The following PHF2 variants were observed in gnomAD, a reference collection of about 807,000 sequenced individuals.
PHF2 encodes the protein lysine-specific demethylase PHF2.
PHF2 carries 27 observed loss-of-function variants against 120.5 expected under a neutral mutation model. That is an observed-to-expected ratio of 0.22 (90% CI 0.17 to 0.31). PHF2 has a LOEUF of 0.31. PHF2 is among the 10% of genes least tolerant of loss of function. PHF2 has a pLI of 1.00. For missense variants in PHF2, 1,024 were observed against 1,434.8 expected (o/e 0.71, Z 4.63); for synonymous variants, 568 against 592.5 (o/e 0.96, Z 0.60).
At chr9:93,596,307 T>C (rs1044591166) in intron 1 of PHF2, among the ~76,000 whole-genome samples, 54 of 152,252 alleles carry the variant, frequency 3.5e-4, no homozygotes, top group Middle Eastern at 3.4e-3. Context: ...TGAAGCTTCA[T>C]TGGGGCCCCT....
intron 2 of PHF2, among the ~76,000 whole-genome samples, chr9:93,633,746 A>G (rs1476802826): frequency 1.3e-5 from 2 of 152,194 alleles, no homozygotes; most frequent in Non-Finnish European, 2.9e-5. Flanking sequence ...CCCTGGCCTC[A>G]GTGAGCGTCC....
At chr9:93,675,844 G>C in intron 20 of PHF2, 55 bp downstream of exon 20, 1 of 1,359,846 alleles carries the variant, frequency 7.4e-7, no homozygotes, top group Non-Finnish European at 1.0e-6. Flanking sequence ...CCCCCACCTG[G>C]TGGGCTCAGG....
rs772653023 is a variant in PHF2 at position 93,673,707 on chromosome 9, C to T, written c.2471C>T (p.Ser824Leu). ...TWGAGQAKGS[S>L]LAAHGARKNG... ...GGAGCTGGCCAGGCCAAGGGGAGCTCGCTGGCTGCCCATGGTGCCCGGAAG... is the reference window on the plus strand; with the variant it reads ...GGAGCTGGCCAGGCCAAGGGGAGCTTGCTGGCTGCCCATGGTGCCCGGAAG... Residue 824 changes from serine to leucine, a missense_variant, in exon 18 of 22, where the codon TCG (serine) becomes TTG (leucine). Around this residue, in one of 2 missense-constraint regions of PHF2, gnomAD observed 677 missense variants for 857.4 expected, o/e 0.79. Coordinates refer to ENST00000359246, the MANE Select transcript of PHF2 (RefSeq NM_005392.4). 3.0e-5 allele frequency: 49 copies of T among 1,613,070 alleles called. No individual in the cohort carries two copies. Among genetic ancestry groups the T allele is most frequent in the East Asian group, 4.5e-5 (2 of 44,884 alleles).
chr9:93,599,766 C>T (rs10821170), intron 1 of PHF2, among the ~76,000 whole-genome samples: 47,478 of 152,160 alleles, frequency 0.31, 8,215 homozygotes, highest in South Asian at 0.62. Flanking sequence ...ATTCGGAGCA[C>T]GAAAGGGATT....
At position 93,624,694 on chromosome 9, in the gene PHF2, C is replaced by T. The variant is rs199934012; in HGVS notation, c.99-5276C>T. Reference sequence around the variant, plus strand: ...ATGGTGATGATGATGATGGTGGTGGCGATGGTGGTAGAGGTGATGATGATG... The same window carrying T: ...ATGGTGATGATGATGATGGTGGTGGTGATGGTGGTAGAGGTGATGATGATG... On this transcript the variant is annotated intron_variant, in intron 1 of 21. Coordinates refer to ENST00000359246, the MANE Select transcript of PHF2 (RefSeq NM_005392.4). Among the ~76,000 whole-genome samples the T allele has an allele frequency of 6.2e-4, 46 of 74,672 alleles. 1 individual carries two copies. The East Asian group carries it at 0.018, about 29-fold the overall frequency. 49.0% of individuals were successfully genotyped at this position (74,672 alleles called of 152,430 possible).
intron 2 of PHF2, among the ~76,000 whole-genome samples, chr9:93,632,924 A>C (rs1826024307): frequency 8.3e-6 from 1 of 120,328 alleles, no homozygotes; most frequent in Non-Finnish European, 1.8e-5. Flanking sequence ...AAGTGAGTGT[A>C]CACTGTGCCC....
At chr9:93,633,331 C>G (rs1035995757) in intron 2 of PHF2, among the ~76,000 whole-genome samples, 2 of 152,228 alleles carry the variant, frequency 1.3e-5, no homozygotes, top group Non-Finnish European at 2.9e-5. Context: ...CAGGGTGTCC[C>G]AAGGTACCTG....
rs942056328 is a variant in PHF2, at chr9:93,667,324, C to T, written c.2348+84C>T. ...CCTCGGCCATGATGGTGGGAGCCTG[C>T]GAGGCAGACGCACAGCTGGAGCCAG... On this transcript the variant is annotated intron_variant, in intron 17 of 21. Coordinates refer to ENST00000359246, the MANE Select transcript of PHF2 (RefSeq NM_005392.4). The T allele has an allele frequency of 3.7e-5, 55 of 1,484,600 alleles. No individual in the cohort carries two copies. In the Middle Eastern group the frequency reaches 1.1e-3, roughly 30 times the overall value. The allele number at this position is 1,484,600 out of a possible 1,614,324, so 92.0% of individuals were successfully genotyped here. A position where few individuals can be genotyped will look rare whatever the true frequency, so the allele number is the denominator to read the frequency against.
chr9:93,671,093 G>C (rs1420409743), intron 17 of PHF2: 15 of 969,076 alleles, frequency 1.5e-5, no homozygotes, highest in Non-Finnish European at 9.8e-6. Flanking sequence ...GGTAGGTGCA[G>C]GTGTAGACGC....
chr9:93,577,031 C>T (rs1467886235), intron 1 of PHF2, among the ~76,000 whole-genome samples, 160 bp downstream of exon 1: 1 of 145,320 alleles, frequency 6.9e-6, no homozygotes, highest in Non-Finnish European at 1.5e-5. Context: ...TGGGCCGTGC[C>T]GGGCCGCGCG....
Position 93,673,743 on chromosome 9 carries a change from G to T in PHF2, c.2507G>T (p.Gly836Val), listed in dbSNP as rs960329731. 2 of 1,613,404 alleles carry T rather than the reference G, an allele frequency of 1.2e-6. No homozygotes were observed. Among genetic ancestry groups the T allele is most frequent in the Non-Finnish European group, 1.7e-6 (2 of 1,179,780 alleles). The change falls in exon 18 of 22, where the codon GGC (glycine) becomes GTC (valine). Residue 836 changes from glycine (G) to valine (V), a missense_variant. By Grantham distance (109) the Gly-to-Val change is moderately radical. Transcript: ENST00000359246. ...AAHGARKNGGGSGKSAGKRLL... is the reference protein window; with the variant it reads ...AAHGARKNGGVSGKSAGKRLL... ...CATGGTGCCCGGAAGAATGGGGGTGGCAGTGGCAAGAGTGCAGGCAAACGA... is the reference window on the plus strand; with the variant it reads ...CATGGTGCCCGGAAGAATGGGGGTGTCAGTGGCAAGAGTGCAGGCAAACGA...
intron 1 of PHF2, among the ~76,000 whole-genome samples, chr9:93,615,117 G>GATAGTA (rs1330738515): frequency 2.0e-5 from 3 of 151,270 alleles, no homozygotes; most frequent in Non-Finnish European, 4.4e-5. Context: ...TGGTGATGGT[G>GATAGTA]ATGGCGATGA....
At position 93,650,322 on chromosome 9, in the gene PHF2, GACAC is replaced by G. The variant is rs568854526; in HGVS notation, c.602+1118_602+1121del. Among the ~76,000 whole-genome samples the G allele has an allele frequency of 2.4e-3, 370 of 152,200 alleles. 1 individual carries two copies. The highest frequency in any genetic ancestry group is 8.0e-3 in the African/African-American group (332 of 41,518). On this transcript the variant is annotated intron_variant, in intron 5 of 21. Transcript: ENST00000359246. ...AACAATAGACTCATGACACGCTTAT[GACAC>G]ACACACATCCCTGACACACTGAGAT...
Position 93,576,851 on chromosome 9 carries a change from C to T in PHF2, c.78C>T (p.Cys26=). The change falls in exon 1 of 22, where the codon TGC becomes TGT. Residue 26 remains cysteine (C), a synonymous_variant. Transcript: ENST00000359246. ...GCTTCATGATCGAGTGCGACGCCTGCAAGGACTGGTTCCACGGCAGGTGAG... is the reference window on the plus strand; with the variant it reads ...GCTTCATGATCGAGTGCGACGCCTGTAAGGACTGGTTCCACGGCAGGTGAG... ...VTRFMIECDA[C]KDWFHGSCVG... is the part of the protein sequence containing the mutation. 7.8e-7 allele frequency: 1 copy of T among 1,279,200 alleles called. No individual in the cohort carries two copies. The highest frequency in any genetic ancestry group is 1.3e-5 in the South Asian group (1 of 79,654). The allele number at this position is 1,279,200 out of a possible 1,614,324, so 79.2% of individuals were successfully genotyped here. A position where few individuals can be genotyped will look rare whatever the true frequency, so the allele number is the denominator to read the frequency against.
chr9:93,615,238 ATGGTGT>A (rs1298641408), intron 1 of PHF2, among the ~76,000 whole-genome samples: 5 of 148,934 alleles, frequency 3.4e-5, no homozygotes, highest in South Asian at 2.2e-4. Flanking sequence ...GGTGATGGTG[ATGGTGT>A]TGATGGTGAT....
intron 1 of PHF2, among the ~76,000 whole-genome samples, chr9:93,606,950 A>G (rs77678872): frequency 0.017 from 2,619 of 152,316 alleles, 74 homozygotes; most frequent in East Asian, 0.11. Context: ...TTTGTTGATC[A>G]GACTGTTTTG....
chr9:93,638,252 G>C (rs944439304), intron 3 of PHF2, among the ~76,000 whole-genome samples: 1 of 151,046 alleles, frequency 6.6e-6, no homozygotes, highest in Admixed American at 6.6e-5. Flanking sequence ...TTACTTTCTT[G>C]ATAGTGCCAT....
At chr9:93,645,931 G>C in intron 4 of PHF2, 142 bp downstream of exon 4, 2 of 950,156 alleles carry the variant, frequency 2.1e-6, no homozygotes, top group Non-Finnish European at 2.9e-6. Context: ...ACCGTACTCT[G>C]TTCCCGGTGC....
chr9:93,675,412 C>T (rs151300531), intron 19 of PHF2, among the ~76,000 whole-genome samples: 2 of 152,362 alleles, frequency 1.3e-5, no homozygotes, highest in Admixed American at 6.5e-5. Context: ...TGTCCACCTT[C>T]CACATTACCC....
Sources: gnomAD v4.1 joint callset for allele counts (sites outside exome capture counted in the v4.1 genomes callset) on GRCh38, gnomAD v4.1.1 for gene constraint, gnomAD v4.1.1 regional missense constraint, MANE v1.5 for transcripts, NCBI Gene and HGNC (gene_info 2026-07-23, HGNC 2026-07-21) for gene names.